CCBE1: variants seen among roughly 807,000 people sequenced by gnomAD.
CCBE1 encodes collagen and calcium-binding EGF domain-containing protein 1.
In CCBE1, 37 loss-of-function variants were observed where a neutral mutation model predicts 50.0. That is an observed-to-expected ratio of 0.74 (90% CI 0.57 to 0.97). CCBE1 has a LOEUF of 0.97. Among genes scored for constraint, CCBE1 ranks in the 50% least tolerant of loss-of-function variants. The pLI is 0.00. For synonymous variants in CCBE1, 234 were observed against 203.7 expected, an observed-to-expected ratio of 1.15 and a Z score of -1.27; for missense variants, 538 against 523.8, an observed-to-expected ratio of 1.03 and a Z score of -0.26.
chr18:59,439,482 CA>C (rs1910313189), intron 9 of CCBE1, 60 bp downstream of exon 9: 2 of 1,604,748 alleles, frequency 1.2e-6, no homozygotes, highest in Non-Finnish European at 8.5e-7. Context: ...AAAAACAAAA[CA>C]AAACAAAAAA....
At chr18:59,586,150 C>T (rs755078119) in intron 2 of CCBE1, among the ~76,000 whole-genome samples, 1 of 152,146 alleles carries the variant, frequency 6.6e-6, no homozygotes, top group Non-Finnish European at 1.5e-5. Context: ...CTTTAATGCT[C>T]CACTTTAGTC....
intron 2 of CCBE1, among the ~76,000 whole-genome samples, chr18:59,582,238 C>T (rs758340752): frequency 2.0e-5 from 3 of 152,146 alleles, no homozygotes; most frequent in Admixed American, 6.5e-5. Flanking sequence ...ACCTCTCCCC[C>T]GTCAGTTAAC....
intron 2 of CCBE1, among the ~76,000 whole-genome samples, chr18:59,671,919 G>A (rs966644638): frequency 6.6e-6 from 1 of 152,028 alleles, no homozygotes; most frequent in East Asian, 1.9e-4. Context: ...GCAGGACGCT[G>A]GTTTGCAGAT....
intron 2 of CCBE1, among the ~76,000 whole-genome samples, chr18:59,694,763 AC>A (rs1170497527): frequency 6.6e-6 from 1 of 152,234 alleles, no homozygotes; most frequent in Admixed American, 6.5e-5. Flanking sequence ...GATAAGACCA[AC>A]GGAATACAGA....
At chr18:59,640,842 C>G (rs1416370613) in intron 2 of CCBE1, among the ~76,000 whole-genome samples, 1 of 152,132 alleles carries the variant, frequency 6.6e-6, no homozygotes, top group Non-Finnish European at 1.5e-5. Context: ...TGAATGGACA[C>G]TTTTCAAAAC....
chr18:59,548,156 A>G (rs541182810), intron 2 of CCBE1, among the ~76,000 whole-genome samples: 1 of 152,324 alleles, frequency 6.6e-6, no homozygotes, highest in East Asian at 1.9e-4. Flanking sequence ...GAGTAAGACA[A>G]CTGAGGTCCG....
intron 2 of CCBE1, among the ~76,000 whole-genome samples, chr18:59,691,551 G>A (rs566114551): frequency 5.1e-4 from 77 of 152,320 alleles, no homozygotes; most frequent in African/African-American, 1.6e-3. Flanking sequence ...GACTATAGGC[G>A]TGTGCCACCA....
chr18:59,496,824 C>A (rs1913378176), intron 2 of CCBE1, among the ~76,000 whole-genome samples: 2 of 152,094 alleles, frequency 1.3e-5, no homozygotes, highest in South Asian at 4.2e-4. Flanking sequence ...CCTCTATGTT[C>A]AAGAGGCCTG....
chr18:59,508,922 T>C (rs955264436), intron 2 of CCBE1, among the ~76,000 whole-genome samples: 1 of 152,118 alleles, frequency 6.6e-6, no homozygotes, highest in Non-Finnish European at 1.5e-5. Flanking sequence ...ATGCAACTTA[T>C]ATTCAAGGCC....
intron 2 of CCBE1, among the ~76,000 whole-genome samples, chr18:59,516,292 T>C (rs896605608): frequency 1.3e-5 from 2 of 152,028 alleles, no homozygotes; most frequent in Non-Finnish European, 2.9e-5. Flanking sequence ...TATACATAGA[T>C]ACCATGATGC....
chr18:59,490,611 C>T (rs1280100355), intron 2 of CCBE1, among the ~76,000 whole-genome samples: 1 of 152,104 alleles, frequency 6.6e-6, no homozygotes, highest in Non-Finnish European at 1.5e-5. Context: ...GGCATGTCTG[C>T]GCCAATCACG....
intron 2 of CCBE1, among the ~76,000 whole-genome samples, chr18:59,646,754 G>A (rs552364511): frequency 8.0e-4 from 122 of 152,324 alleles, no homozygotes; most frequent in Middle Eastern, 6.8e-3. Context: ...GGTACTTCCC[G>A]ATGAGATCTG....
chr18:59,488,884 C>T (rs1265538136), intron 2 of CCBE1, among the ~76,000 whole-genome samples: 1 of 152,062 alleles, frequency 6.6e-6, no homozygotes, highest in African/African-American at 2.4e-5. Context: ...TCTCCCCCAC[C>T]GAGCCCACCT....
intron 2 of CCBE1, among the ~76,000 whole-genome samples, chr18:59,602,309 A>ACAACCATAT (rs2053443728): frequency 1.3e-5 from 2 of 152,120 alleles, no homozygotes; most frequent in South Asian, 4.1e-4. Context: ...CTGCCTTTCA[A>ACAACCATAT]CAACCATATC....
chr18:59,696,630 T>C lies in CCBE1; in HGVS notation c.211A>G (p.Arg71Gly). ...AGCCCGCAGAGCCCCCAGGCTTACC[T>C]GTAGCATGTGGTGAGCTCGCCTGAA... ...KSSGELTTCY[R>G]KKCCKGYKFV... Residue 71 changes from arginine to glycine, a missense_variant and splice_region_variant, in exon 2 of 11, where the codon AGG becomes GGG. Coordinates refer to ENST00000439986, the MANE Select transcript of CCBE1 (RefSeq NM_133459.4). The C allele has an allele frequency of 6.2e-7, 1 of 1,613,942 alleles. No homozygotes were observed. Among genetic ancestry groups the C allele is most frequent in the Non-Finnish European group, 8.5e-7 (1 of 1,179,926 alleles).
intron 2 of CCBE1, among the ~76,000 whole-genome samples, chr18:59,657,200 G>A (rs560936307): frequency 6.6e-6 from 1 of 152,332 alleles, no homozygotes; most frequent in Admixed American, 6.5e-5. Flanking sequence ...ACCTAGAAAA[G>A]CATCCAGCCA....
chr18:59,445,686 A>G (rs183135106), intron 7 of CCBE1, among the ~76,000 whole-genome samples: 54 of 152,364 alleles, frequency 3.5e-4, no homozygotes, highest in East Asian at 1.3e-3. Context: ...TTCCAGGTAT[A>G]TCTACAATGA....
intron 2 of CCBE1, among the ~76,000 whole-genome samples, chr18:59,592,630 C>T (rs1193651921): frequency 6.6e-6 from 1 of 152,136 alleles, no homozygotes; most frequent in African/African-American, 2.4e-5. Context: ...GATATATATA[C>T]TACTATAGAT....
At chr18:59,458,384 C>CA (rs1555679518) in intron 5 of CCBE1, among the ~76,000 whole-genome samples, 1 of 152,076 alleles carries the variant, frequency 6.6e-6, no homozygotes, top group Non-Finnish European at 1.5e-5. Context: ...GTTGGCAGAG[C>CA]GGGGCCGCCA....
Sources: allele counts gnomAD v4.1 joint callset (sites outside exome capture counted in the v4.1 genomes callset), GRCh38; gene constraint gnomAD v4.1.1; transcripts MANE v1.5; gene names NCBI Gene and HGNC (gene_info 2026-07-23, HGNC 2026-07-21).